Variants in MLIP observed in about 807,000 individuals in gnomAD.
MLIP encodes the protein muscular LMNA interacting protein, also known as muscular LMNA-interacting protein.
MLIP carries 79 observed loss-of-function variants against 84.8 expected under a neutral mutation model. The observed-to-expected ratio is 0.93, with a 90% CI of 0.78 to 1.12. The LOEUF is 1.12. Among genes scored for constraint, MLIP ranks in the 50% most tolerant of loss-of-function variants. The probability of loss-of-function intolerance (pLI) is 0.00; values close to 1 mark genes in which losing one functional copy is unlikely to be tolerated. For missense variants in MLIP, 1,257 were observed against 1,160.6 expected (o/e 1.08, Z -1.21); for synonymous variants, 504 against 463.0 (o/e 1.09, Z -1.14).
intron 10 of MLIP, among the ~76,000 whole-genome samples, chr6:54,201,707 A>G (rs1194601523): frequency 6.6e-6 from 1 of 152,180 alleles, no homozygotes; most frequent in East Asian, 1.9e-4. Flanking sequence ...GTTTCCAGAA[A>G]AAGAAAGTTG....
At chr6:54,099,904 G>A (rs886973513) in intron 1 of MLIP, among the ~76,000 whole-genome samples, 3 of 152,050 alleles carry the variant, frequency 2.0e-5, no homozygotes, top group Non-Finnish European at 1.5e-5. Context: ...AAGAAAAAAT[G>A]ATAAAAGTTG....
upstream of MLIP, among the ~76,000 whole-genome samples, chr6:54,109,407 TCATC>T (rs2150402930): frequency 6.6e-6 from 1 of 152,284 alleles, no homozygotes; most frequent in South Asian, 2.1e-4. Flanking sequence ...AGAGCTATTC[TCATC>T]CACATTTCAC....
At chr6:54,054,511 T>C (rs1440385504) in intron 1 of MLIP, among the ~76,000 whole-genome samples, 2 of 151,932 alleles carry the variant, frequency 1.3e-5, no homozygotes, top group African/African-American at 4.8e-5. Flanking sequence ...GAATGTGAAC[T>C]GAAAGCAGAA....
At chr6:54,108,866 T>A (rs1017128140), upstream of MLIP, among the ~76,000 whole-genome samples, 1 of 151,982 alleles carries the variant, frequency 6.6e-6, no homozygotes, top group Non-Finnish European at 1.5e-5. Flanking sequence ...GAATGAGACA[T>A]AGAAGAAGAG....
At chr6:54,116,118 A>G (rs1198380941) in intron 1 of MLIP, among the ~76,000 whole-genome samples, 1 of 152,114 alleles carries the variant, frequency 6.6e-6, no homozygotes, top group Non-Finnish European at 1.5e-5. Context: ...CACTGACATG[A>G]ACTGGGTTAA....
chr6:54,248,435 T>C (rs1219977819), intron 12 of MLIP, among the ~76,000 whole-genome samples: 2 of 152,184 alleles, frequency 1.3e-5, no homozygotes, highest in African/African-American at 4.8e-5. Flanking sequence ...GTTTTCATTA[T>C]AACCTGGGAG....
intron 1 of MLIP, among the ~76,000 whole-genome samples, chr6:54,022,330 A>G (rs1448438820): frequency 6.6e-6 from 1 of 152,222 alleles, no homozygotes; most frequent in Non-Finnish European, 1.5e-5. Context: ...ATATATTTTA[A>G]TGTGTGTGCA....
chr6:54,216,788 T>C (rs1352863524), intron 11 of MLIP: 1 of 985,236 alleles, frequency 1.0e-6, no homozygotes, highest in East Asian at 1.1e-4. Context: ...AGATATGCCA[T>C]ATAATCGAAA....
In MLIP at chr6:54,139,811, G is replaced by T. The variant is rs1772138192; in HGVS notation, c.2217+1525G>T. 2.0e-5 allele frequency among the ~76,000 whole-genome samples: 3 copies of T among 152,020 alleles called. 1 individual carries two copies. In the South Asian group the frequency reaches 6.2e-4, roughly 31 times the overall value. On this transcript the variant is annotated intron_variant, in intron 4 of 13. Transcript: ENST00000502396. ...TATTACTATCATTTATTGCTACAAA[G>T]AAATAACTCATGTTAGCAATTTAGC... is the stretch of plus-strand genomic sequence containing the variant.
In MLIP at chr6:54,137,320, C is replaced by T; in HGVS notation, c.1251C>T (p.Leu417=). Residue 417 remains leucine, a synonymous_variant, in exon 4 of 14, where the codon CTC becomes CTT. Coordinates refer to ENST00000502396, the MANE Select transcript of MLIP (RefSeq NM_001281747.2). Reference sequence around the variant, plus strand: ...CGGTGCCTTCCCGGCTTGCCCTTCTCACTGCCATTCTCAAGTCAAACCCTT... The same window carrying T: ...CGGTGCCTTCCCGGCTTGCCCTTCTTACTGCCATTCTCAAGTCAAACCCTT... The part of the protein sequence containing the change: ...KSPVPSRLAL[L]TAILKSNPSH... 1.3e-6 allele frequency: 2 copies of T among 1,536,074 alleles called. No individual in the cohort carries two copies. Among genetic ancestry groups the T allele is most frequent in the Non-Finnish European group, 8.7e-7 (1 of 1,146,896 alleles).
At chr6:54,095,173 G>C (rs1406951259) in intron 1 of MLIP, among the ~76,000 whole-genome samples, 1 of 152,142 alleles carries the variant, frequency 6.6e-6, no homozygotes, top group African/African-American at 2.4e-5. Flanking sequence ...TTGGGAAGCG[G>C]TGGGTAGACA....
intron 1 of MLIP, among the ~76,000 whole-genome samples, chr6:54,056,000 A>G (rs1561897500): frequency 6.6e-6 from 1 of 152,146 alleles, no homozygotes; most frequent in African/African-American, 2.4e-5. Flanking sequence ...ACATATTTAT[A>G]TATTTTTTTA....
chr6:54,201,338 G>A (rs1778663861), intron 10 of MLIP, among the ~76,000 whole-genome samples: 1 of 152,144 alleles, frequency 6.6e-6, no homozygotes, highest in African/African-American at 2.4e-5. Context: ...AAGAACGTCA[G>A]GAAAGGAAAT....
At chr6:54,263,857 G>A (rs1397903934) in intron 13 of MLIP, among the ~76,000 whole-genome samples, 2 of 152,014 alleles carry the variant, frequency 1.3e-5, no homozygotes, top group Non-Finnish European at 2.9e-5. Flanking sequence ...AAAATACTGA[G>A]CCTTAACTGC....
At chr6:54,113,397 A>G (rs1447760517) in intron 1 of MLIP, among the ~76,000 whole-genome samples, 1 of 152,160 alleles carries the variant, frequency 6.6e-6, no homozygotes, top group Non-Finnish European at 1.5e-5. Flanking sequence ...CTAGAAGATA[A>G]TACATCTAGA....
At chr6:54,114,467 A>T (rs1769738346) in intron 1 of MLIP, among the ~76,000 whole-genome samples, 1 of 152,122 alleles carries the variant, frequency 6.6e-6, no homozygotes, top group African/African-American at 2.4e-5. Context: ...ACCCATCTTG[A>T]TTTTTGTGTA....
intron 1 of MLIP, among the ~76,000 whole-genome samples, chr6:54,020,816 G>C (rs1002570068): frequency 8.5e-5 from 13 of 152,258 alleles, no homozygotes; most frequent in African/African-American, 2.9e-4. Flanking sequence ...AGATTGCGGG[G>C]AAATATGGCG....
intron 1 of MLIP, among the ~76,000 whole-genome samples, chr6:54,056,876 T>C (rs9370260): frequency 0.51 from 77,616 of 152,036 alleles, 23,735 homozygotes; most frequent in Non-Finnish European, 0.69. Context: ...GTTAAAATAT[T>C]CCAAAGCATT....
chr6:54,104,102 T>G (rs1349194619), intron 1 of MLIP, among the ~76,000 whole-genome samples: 1 of 152,146 alleles, frequency 6.6e-6, no homozygotes. Flanking sequence ...CAGGTAAATT[T>G]TTTTTTCAGC....
Sources: allele counts gnomAD v4.1 joint callset (sites outside exome capture counted in the v4.1 genomes callset), GRCh38; gene constraint gnomAD v4.1.1; transcripts MANE v1.5; gene names NCBI Gene and HGNC (gene_info 2026-07-23, HGNC 2026-07-21).